The following SMARCA4 variants were observed in gnomAD, a reference collection of about 807,000 sequenced individuals.
SMARCA4 encodes SWI/SNF related BAF chromatin remodeling complex subunit ATPase 4, also known as SWI/SNF-related matrix-associated actin-dependent regulator of chromatin subfamily A member 4.
In SMARCA4, 31 loss-of-function variants were observed where a neutral mutation model predicts 193.9. The ratio of observed to expected loss-of-function variants is 0.16; its 90% CI spans 0.12 to 0.22. The LOEUF (loss-of-function observed/expected upper bound fraction) is 0.22, where lower values mean the gene tolerates loss of function less well. SMARCA4 is among the 10% of genes least tolerant of loss of function. The pLI, the probability that SMARCA4 is intolerant of heterozygous loss-of-function variation, is 1.00. For synonymous variants in SMARCA4, 942 were observed against 933.1 expected (o/e 1.01, Z -0.17); for missense variants, 1,148 against 2,296.0 (o/e 0.50, Z 10.22).
chr19:10,966,974 A>G (rs532274736), intron 1 of SMARCA4, among the ~76,000 whole-genome samples: 2 of 152,160 alleles, frequency 1.3e-5, no homozygotes, highest in African/African-American at 2.4e-5. Flanking sequence ...ACAGGTCAGA[A>G]TGAAGCCTGA....
At chr19:11,050,912 G>A (rs2076221765) in intron 30 of SMARCA4, among the ~76,000 whole-genome samples, 1 of 152,342 alleles carries the variant, frequency 6.6e-6, no homozygotes, top group African/African-American at 2.4e-5. Flanking sequence ...GGTCTGCTTG[G>A]CACATAGCCT....
intron 11 of SMARCA4, 21 bp downstream of exon 11, chr19:10,996,565 G>A (rs2145982672): frequency 6.2e-7 from 1 of 1,612,236 alleles, no homozygotes; most frequent in South Asian, 1.1e-5. Flanking sequence ...AGGGTTTCTT[G>A]TGGAAGTATC....
intron 1 of SMARCA4, among the ~76,000 whole-genome samples, chr19:10,962,294 C>T (rs535242189): frequency 2.0e-5 from 3 of 152,192 alleles, no homozygotes; most frequent in South Asian, 4.2e-4. Flanking sequence ...GTCCAATCTC[C>T]CTCATTGTTC....
In SMARCA4 at chr19:10,987,144, C is replaced by A. The variant is rs1000087193; in HGVS notation, c.859+141C>A. On this transcript the variant is annotated intron_variant, in intron 5 of 34. Coordinates refer to ENST00000344626, the MANE Select transcript of SMARCA4 (RefSeq NM_003072.5). This position sits in a 1 kb window ranked among gnomAD's most constrained non-coding sequence, Gnocchi z 5.3. ...AGCCTGTACTTTTCTTGTGGTGGTCCCCGGGTCTCCCCTGTAGCCAGTCAG... is the reference window on the plus strand; with the variant it reads ...AGCCTGTACTTTTCTTGTGGTGGTCACCGGGTCTCCCCTGTAGCCAGTCAG... 3.8e-5 allele frequency: 26 copies of A among 688,366 alleles called. No individual in the cohort carries two copies. The highest frequency in any genetic ancestry group is 3.7e-4 in the Middle Eastern group (1 of 2,736). The allele number at this position is 688,366 out of a possible 1,614,324, so 42.6% of individuals were successfully genotyped here. A position where few individuals can be genotyped will look rare whatever the true frequency, so the allele number is the denominator to read the frequency against.
Position 10,974,689 on chromosome 19 carries a change from A to ATT in SMARCA4, c.-31-9398_-31-9397dup, listed in dbSNP as rs74182450. ...TGCATATATATATATATATATATAT[A>ATT]TTTTTTTTTTTTTTTTTTTTTTTTT... On this transcript the variant is annotated intron_variant, in intron 1 of 34. Transcript: ENST00000344626. Among the ~76,000 whole-genome samples the ATT allele has an allele frequency of 4.8e-4, 18 of 37,170 alleles. 4 individuals are homozygous for ATT. The highest frequency in any genetic ancestry group is 9.0e-4 in the African/African-American group (6 of 6,658). The allele number at this position is 37,170 out of a possible 152,430, so 24.4% of individuals were successfully genotyped here. A position where few individuals can be genotyped will look rare whatever the true frequency, so the allele number is the denominator to read the frequency against.
intron 29 of SMARCA4, among the ~76,000 whole-genome samples, chr19:11,038,342 C>T (rs2075382316): frequency 6.6e-6 from 1 of 152,164 alleles, no homozygotes; most frequent in South Asian, 2.1e-4. Flanking sequence ...AAGTAAAGAC[C>T]TCATTTGCAA....
Position 10,987,543 on chromosome 19 carries a change from A to C in SMARCA4, c.860-123A>C. 1 of 1,103,482 alleles carries C rather than the reference A, an allele frequency of 9.1e-7. No individual in the cohort carries two copies. Among genetic ancestry groups the C allele is most frequent in the Non-Finnish European group, 1.4e-6 (1 of 734,608 alleles). 68.4% of individuals were successfully genotyped at this position (1,103,482 alleles called of 1,614,324 possible). A position where few individuals can be genotyped will look rare whatever the true frequency, so the allele number is the denominator to read the frequency against. On this transcript the variant is annotated intron_variant, in intron 5 of 34. Transcript: ENST00000344626. The surrounding 1 kb of genome is among the most constrained non-coding windows in gnomAD (Gnocchi z 5.3). ...GGTGTGAAGGACACCCCTGGGTGAA[A>C]GGTGGGAGATGGGCGGGGTCTGCCT...
At chr19:10,966,417 C>T (rs1383383653) in intron 1 of SMARCA4, among the ~76,000 whole-genome samples, 1 of 151,948 alleles carries the variant, frequency 6.6e-6, no homozygotes, top group South Asian at 2.1e-4. Context: ...ATGGCGAAAC[C>T]CCGTCTCTAC....
intron 16 of SMARCA4, 95 bp downstream of exon 16, chr19:11,013,207 G>A (rs1038899398): frequency 2.8e-6 from 4 of 1,404,820 alleles, no homozygotes; most frequent in Non-Finnish European, 9.9e-7. Flanking sequence ...CAAACGAGGT[G>A]GCTTAATTAC....
chr19:11,028,531 C>T, intron 24 of SMARCA4, among the ~76,000 whole-genome samples: 1 of 152,214 alleles, frequency 6.6e-6, no homozygotes, highest in East Asian at 1.9e-4. Context: ...ACAGGTCAGG[C>T]CTGGACCTGG....
intron 1 of SMARCA4, among the ~76,000 whole-genome samples, chr19:10,970,988 C>T (rs571414779): frequency 1.3e-5 from 2 of 152,166 alleles, no homozygotes; most frequent in East Asian, 1.9e-4. Context: ...CACCTGAGGT[C>T]GGGAGTTTGA....
rs377057502 is a variant in SMARCA4 at position 10,986,151 on chromosome 19, T to A, written c.356-38T>A. Reference sequence around the variant, plus strand: ...AGAGGCTGTAAAAATCACAGACATATGCTGCCGAGTGACCAGTGGGCTGAC... The same window carrying A: ...AGAGGCTGTAAAAATCACAGACATAAGCTGCCGAGTGACCAGTGGGCTGAC... On this transcript the variant is annotated intron_variant, in intron 3 of 34. Transcript: ENST00000344626. This position sits in a 1 kb window ranked among gnomAD's most constrained non-coding sequence, Gnocchi z 6.7. 2 of 1,535,342 alleles carry A rather than the reference T, an allele frequency of 1.3e-6. No individual in the cohort carries two copies. The highest frequency in any genetic ancestry group is 1.1e-5 in the South Asian group (1 of 89,466).
chr19:11,058,555 G>T lies in SMARCA4; in HGVS notation c.4533+192G>T, dbSNP rs1337592082. 6.6e-6 allele frequency among the ~76,000 whole-genome samples: 1 copy of T among 152,142 alleles called. No individual in the cohort carries two copies. Among genetic ancestry groups the T allele is most frequent in the African/African-American group, 2.4e-5 (1 of 41,434 alleles). On this transcript the variant is annotated intron_variant, in intron 31 of 34. Transcript: ENST00000344626. The surrounding 1 kb of genome is among the most constrained non-coding windows in gnomAD (Gnocchi z 5.8). ...TGTAAGGGTTGGGGGTGTCCTGAGG[G>T]ATGTCAGTGGGCAGTCGGTGTTGGG... is the stretch of plus-strand genomic sequence containing the variant.
At chr19:10,982,321 A>G (rs2085617082) in intron 1 of SMARCA4, among the ~76,000 whole-genome samples, 2 of 151,870 alleles carry the variant, frequency 1.3e-5, no homozygotes, top group African/African-American at 4.8e-5. Flanking sequence ...TAAAAATACA[A>G]AAATTAGCTG....
At position 11,061,191 on chromosome 19, in the gene SMARCA4, A is replaced by T. The variant is rs1421152810; in HGVS notation, c.4912-593A>T. Among the ~76,000 whole-genome samples, 286 of 45,574 alleles carry T rather than the reference A, an allele frequency of 6.3e-3. 10 individuals are homozygous for T. The highest frequency in any genetic ancestry group is 7.5e-3 in the South Asian group (11 of 1,464). 29.9% of individuals were successfully genotyped at this position (45,574 alleles called of 152,430 possible). A position where few individuals can be genotyped will look rare whatever the true frequency, so the allele number is the denominator to read the frequency against. On this transcript the variant is annotated intron_variant, in intron 34 of 34. Transcript: ENST00000344626. Reference sequence around the variant, plus strand: ...CAACAGAGCAAGACCCTGTCTTTAAAAAAAAAAAAAAAAATATATATATAT... The same window carrying T: ...CAACAGAGCAAGACCCTGTCTTTAATAAAAAAAAAAAAAATATATATATAT...
chr19:10,993,691 G>A (rs559594736), intron 8 of SMARCA4, among the ~76,000 whole-genome samples: 6 of 151,840 alleles, frequency 4.0e-5, no homozygotes, highest in Non-Finnish European at 8.8e-5. Context: ...TGTCGCCCAC[G>A]CTGGAGTGCA....
chr19:11,053,649 C>G (rs1330080009), intron 30 of SMARCA4, among the ~76,000 whole-genome samples: 1 of 152,110 alleles, frequency 6.6e-6, no homozygotes, highest in Admixed American at 6.6e-5. Context: ...GTGACTCACA[C>G]CTGTAATTCC....
chr19:10,983,636 G>T (rs1024971091), intron 1 of SMARCA4: 1 of 167,724 alleles, frequency 6.0e-6, no homozygotes, highest in African/African-American at 2.4e-5. Context: ...GGTTCGCCTT[G>T]TTGGCCAGAC....
chr19:10,968,333 T>G (rs1024261896), intron 1 of SMARCA4, among the ~76,000 whole-genome samples: 3 of 152,124 alleles, frequency 2.0e-5, no homozygotes, highest in Admixed American at 6.6e-5. Flanking sequence ...AGCTTTGCTT[T>G]TGGGGACTCT....
Sources: gnomAD v4.1 joint callset for allele counts (sites outside exome capture counted in the v4.1 genomes callset) on GRCh38, gnomAD v4.1.1 for gene constraint, Gnocchi (gnomAD v3.1) non-coding constraint, MANE v1.5 for transcripts, NCBI Gene and HGNC (gene_info 2026-07-23, HGNC 2026-07-21) for gene names.